ROBO2: variants seen among roughly 807,000 people sequenced by gnomAD.
ROBO2 encodes the protein roundabout guidance receptor 2.
In ROBO2, 53 loss-of-function variants were observed where a neutral mutation model predicts 160.8. The ratio of observed to expected loss-of-function variants is 0.33; its 90% confidence interval spans 0.26 to 0.41. The LOEUF (loss-of-function observed/expected upper bound fraction) is 0.41. ROBO2 is among the 10% of genes least tolerant of loss of function. The probability of loss-of-function intolerance (pLI) is 1.00; values close to 1 mark genes in which losing one functional copy is unlikely to be tolerated. For missense variants in ROBO2, 1,577 were observed against 1,722.4 expected (o/e 0.92, Z 1.49); for synonymous variants, 664 against 611.7 (o/e 1.09, Z -1.26).
intron 2 of ROBO2, among the ~76,000 whole-genome samples, chr3:76,159,853 G>A (rs945888271): frequency 2.6e-5 from 4 of 151,992 alleles, no homozygotes; most frequent in Non-Finnish European, 5.9e-5. Flanking sequence ...GAAAAATGGT[G>A]GCCTTTAAAG....
At chr3:76,804,322 T>C (rs186704150) in intron 2 of ROBO2, among the ~76,000 whole-genome samples, 64 of 152,212 alleles carry the variant, frequency 4.2e-4, no homozygotes, top group African/African-American at 1.5e-3. Context: ...GGAAGGAAGA[T>C]ATTTTTGGTA....
intron 1 of ROBO2, among the ~76,000 whole-genome samples, chr3:77,043,238 C>T (rs1028630514): frequency 6.6e-6 from 1 of 152,148 alleles, no homozygotes; most frequent in Non-Finnish European, 1.5e-5. Context: ...ACTTATTCTT[C>T]TTAGAGGTGT....
At chr3:77,465,144 G>GACAGT (rs1197600769) in intron 2 of ROBO2, among the ~76,000 whole-genome samples, 2 of 152,070 alleles carry the variant, frequency 1.3e-5, no homozygotes, top group African/African-American at 2.4e-5. Context: ...ACAGTTTTTA[G>GACAGT]AGGGAGTAAG....
intron 2 of ROBO2, among the ~76,000 whole-genome samples, chr3:77,424,178 G>T (rs1439178909): frequency 6.6e-6 from 1 of 152,080 alleles, no homozygotes; most frequent in Non-Finnish European, 1.5e-5. Flanking sequence ...AGTAACTCTG[G>T]GATAACTCTA....
chr3:76,398,246 G>T (rs1287128948), intron 2 of ROBO2, among the ~76,000 whole-genome samples: 2 of 146,592 alleles, frequency 1.4e-5, no homozygotes, highest in Admixed American at 1.4e-4. Flanking sequence ...AACACTGCAT[G>T]TTCTCACTCA....
At chr3:77,126,712 A>AT (rs1278481390) in intron 2 of ROBO2, among the ~76,000 whole-genome samples, 7 of 127,666 alleles carry the variant, frequency 5.5e-5, no homozygotes, top group East Asian at 4.2e-4. Flanking sequence ...ATATATATAT[A>AT]TTTTTTTTCC....
chr3:76,734,531 GA>G (rs2107911027), intron 2 of ROBO2, among the ~76,000 whole-genome samples: 1 of 152,282 alleles, frequency 6.6e-6, no homozygotes, highest in Admixed American at 6.5e-5. Flanking sequence ...ACTCTTTGGA[GA>G]AACGACTTTC....
chr3:76,566,727 G>A (rs536878258), intron 2 of ROBO2, among the ~76,000 whole-genome samples: 1 of 152,166 alleles, frequency 6.6e-6, no homozygotes, highest in East Asian at 1.9e-4. Context: ...GGAAAGAAGG[G>A]TGGAGAGGAA....
At chr3:76,676,849 C>A (rs1273243384) in intron 2 of ROBO2, among the ~76,000 whole-genome samples, 1 of 152,230 alleles carries the variant, frequency 6.6e-6, no homozygotes, top group East Asian at 1.9e-4. Flanking sequence ...CTTCTTCTGT[C>A]CCTTTTTCTT....
chr3:77,176,091 G>C (rs967784689), intron 2 of ROBO2, among the ~76,000 whole-genome samples: 5 of 151,760 alleles, frequency 3.3e-5, no homozygotes, highest in Admixed American at 1.3e-4. Flanking sequence ...GAATGAGCTG[G>C]GTAAGAAGAG....
chr3:77,057,201 TA>T lies in ROBO2; in HGVS notation c.61+16356del, dbSNP rs2065839966. ...CTGGAAACCATTATTCTGAGCAAGC[TA>T]TTGCAAGGACAGAAAACCAAACACC... On this transcript the variant is annotated intron_variant, in intron 1 of 25. Transcript: ENST00000461745. Among the ~76,000 whole-genome samples, 3 of 152,142 alleles carry T rather than the reference TA, an allele frequency of 2.0e-5. No homozygotes were observed. In the South Asian group the frequency reaches 6.2e-4, roughly 32 times the overall value.
chr3:76,491,264 T>A (rs567844512), intron 2 of ROBO2, among the ~76,000 whole-genome samples: 80 of 152,112 alleles, frequency 5.3e-4, no homozygotes, highest in Non-Finnish European at 9.4e-4. Flanking sequence ...TTAATTTTTT[T>A]AAAAAAAAGT....
intron 2 of ROBO2, among the ~76,000 whole-genome samples, chr3:76,446,576 C>G (rs1174673001): frequency 1.3e-5 from 2 of 151,836 alleles, no homozygotes; most frequent in Non-Finnish European, 2.9e-5. Context: ...AGAGCCCGCA[C>G]TGCCAAGTCA....
rs1486586580 is a variant in ROBO2, at chr3:76,452,911, T to G, written c.109+515309T>G. Reference sequence around the variant, plus strand: ...ATCTCATTGTGGTTTTGATTTGCATTTCTCTGATGGCCAGTGATGGTGAGC... The same window carrying G: ...ATCTCATTGTGGTTTTGATTTGCATGTCTCTGATGGCCAGTGATGGTGAGC... On this transcript the variant is annotated intron_variant, in intron 2 of 26. Coordinates refer to the ROBO2 transcript ENST00000487694. 3.3e-5 allele frequency among the ~76,000 whole-genome samples: 5 copies of G among 152,198 alleles called. No individual in the cohort carries two copies. The East Asian group carries it at 9.6e-4, about 29-fold the overall frequency.
intron 2 of ROBO2, among the ~76,000 whole-genome samples, chr3:76,708,736 T>C (rs1047439308): frequency 2.0e-5 from 3 of 152,184 alleles, no homozygotes; most frequent in Non-Finnish European, 2.9e-5. Context: ...GTTCACGTTT[T>C]AGAACCATTG....
intron 2 of ROBO2, among the ~76,000 whole-genome samples, chr3:76,133,142 C>T (rs1195926733): frequency 1.3e-5 from 2 of 152,036 alleles, no homozygotes; most frequent in Non-Finnish European, 2.9e-5. Context: ...CAAACAGGCA[C>T]CTCTCTAAAA....
intron 2 of ROBO2, among the ~76,000 whole-genome samples, chr3:77,263,422 T>C (rs2058907989): frequency 6.6e-6 from 1 of 152,126 alleles, no homozygotes; most frequent in Non-Finnish European, 1.5e-5. Context: ...CATTATCTGA[T>C]AGGCCTCAGT....
chr3:76,665,724 T>G (rs1434214433), intron 2 of ROBO2, among the ~76,000 whole-genome samples: 1 of 151,368 alleles, frequency 6.6e-6, no homozygotes, highest in African/African-American at 2.4e-5. Context: ...AAACATAAAA[T>G]TATTCTTTTT....
chr3:77,014,730 C>A (rs2062132100), intron 2 of ROBO2, among the ~76,000 whole-genome samples: 1 of 152,024 alleles, frequency 6.6e-6, no homozygotes, highest in African/African-American at 2.4e-5. Context: ...AAATTTCACT[C>A]TATTATCAGA....
Sources: allele counts gnomAD v4.1 joint callset (sites outside exome capture counted in the v4.1 genomes callset), GRCh38; gene constraint gnomAD v4.1.1; transcripts MANE v1.5; gene names NCBI Gene and HGNC (gene_info 2026-07-23, HGNC 2026-07-21).